The following APBA1 variants were observed in gnomAD, a reference collection of about 807,000 sequenced individuals.
APBA1 encodes amyloid-beta A4 precursor protein-binding family A member 1.
APBA1 carries 55 observed loss-of-function variants against 86.6 expected under a neutral mutation model. The observed-to-expected ratio is 0.64, with a 90% CI of 0.51 to 0.80. APBA1 has a LOEUF of 0.80. Among genes scored for constraint, APBA1 ranks in the 30% least tolerant of loss-of-function variants. APBA1 has a pLI of 0.00. For missense variants in APBA1, 1,090 were observed against 1,183.0 expected (o/e 0.92, Z 1.15); for synonymous variants, 511 against 493.9 (o/e 1.03, Z -0.46).
At chr9:69,580,113 T>C (rs1564082866) in intron 1 of APBA1, among the ~76,000 whole-genome samples, 1 of 152,216 alleles carries the variant, frequency 6.6e-6, no homozygotes, top group African/African-American at 2.4e-5. Flanking sequence ...TGGGAAGCTG[T>C]GGTCTGTGTC....
intron 1 of APBA1, among the ~76,000 whole-genome samples, chr9:69,599,012 A>G (rs1210197197): frequency 6.6e-6 from 1 of 152,230 alleles, no homozygotes; most frequent in African/African-American, 2.4e-5. Flanking sequence ...TGAGGAAGCT[A>G]GAGTAGTCAA....
intron 1 of APBA1, among the ~76,000 whole-genome samples, chr9:69,650,485 T>G (rs1388023093): frequency 1.3e-5 from 2 of 152,256 alleles, no homozygotes; most frequent in East Asian, 3.8e-4. Context: ...CACGAAACTA[T>G]TTTTAATGAA....
At chr9:69,577,861 A>T (rs1454026780) in intron 1 of APBA1, among the ~76,000 whole-genome samples, 2 of 152,180 alleles carry the variant, frequency 1.3e-5, no homozygotes, top group Non-Finnish European at 2.9e-5. Flanking sequence ...TATCTAAGGT[A>T]GCACAGCTGG....
Position 69,516,190 on chromosome 9 carries a change from C to G in APBA1, c.1021G>C (p.Glu341Gln). Residue 341 changes from glutamate (E) to glutamine (Q), a missense_variant, in exon 2 of 13, where the codon GAG becomes CAG. This residue lies in a region of APBA1 where 678 missense variants were observed against 647.1 expected (regional missense o/e 1.05). Transcript: ENST00000265381. This position sits in a 1 kb window ranked among gnomAD's most constrained non-coding sequence, Gnocchi z 7.3. ...GCCAGCGAGATGGCATCGCGCTTCTCCTTGCTGTACCGCTGCCCCGCCTCG... is the reference window on the plus strand; with the variant it reads ...GCCAGCGAGATGGCATCGCGCTTCTGCTTGCTGTACCGCTGCCCCGCCTCG... ...GGEAGQRYSK[E>Q]KRDAISLAIK... The G allele has an allele frequency of 3.2e-6, 5 of 1,587,148 alleles. No homozygotes were observed. Among genetic ancestry groups the G allele is most frequent in the Non-Finnish European group, 4.3e-6 (5 of 1,167,060 alleles).
At chr9:69,658,525 C>T (rs570688313) in intron 1 of APBA1, among the ~76,000 whole-genome samples, 21 of 151,354 alleles carry the variant, frequency 1.4e-4, no homozygotes, top group African/African-American at 4.9e-4. Flanking sequence ...ACCTCAGCCT[C>T]CTGAGTAGCT....
chr9:69,476,056 T>C lies in APBA1; in HGVS notation c.1288A>G (p.Asn430Asp), dbSNP rs1475520273. The C allele has an allele frequency of 6.2e-7, 1 of 1,613,918 alleles. No individual in the cohort carries two copies. The highest frequency in any genetic ancestry group is 1.7e-5 in the Admixed American group (1 of 60,024). The change falls in exon 3 of 13, where the codon AAT becomes GAT. Residue 430 changes from asparagine (N) to aspartate (D), a missense_variant. Physicochemically the swap from Asn to Asp is conservative, Grantham distance 23. Coordinates refer to ENST00000265381, the MANE Select transcript of APBA1 (RefSeq NM_001163.4). ...ACAAAACAGCACCCTACCTCTTTAT[T>C]AGTGGACGCTTCCACAGGGTCACTG... The part of the protein sequence containing the change: ...HPSDPVEAST[N>D]KESRKSLASF...
At chr9:69,432,889 CTG>C (rs1834630214) in intron 11 of APBA1, among the ~76,000 whole-genome samples, 2 of 152,324 alleles carry the variant, frequency 1.3e-5, no homozygotes, top group South Asian at 4.1e-4. Flanking sequence ...TGCACAGAGA[CTG>C]TAGCACATCA....
At chr9:69,550,228 T>C (rs1166019820) in intron 1 of APBA1, among the ~76,000 whole-genome samples, 2 of 152,218 alleles carry the variant, frequency 1.3e-5, no homozygotes, top group Non-Finnish European at 2.9e-5. Flanking sequence ...ACATATTAAC[T>C]TAGGGATGCA....
At chr9:69,441,481 C>T (rs2781530) in intron 10 of APBA1, among the ~76,000 whole-genome samples, 44,952 of 152,098 alleles carry the variant, frequency 0.3, 6,938 homozygotes, top group East Asian at 0.45. Context: ...CACACTATTT[C>T]CCCCAGCCAG....
intron 1 of APBA1, among the ~76,000 whole-genome samples, chr9:69,622,032 G>A (rs1465370283): frequency 6.6e-6 from 1 of 152,174 alleles, no homozygotes; most frequent in Non-Finnish European, 1.5e-5. Flanking sequence ...CACCAAACCT[G>A]AGGAGCATCA....
intron 2 of APBA1, among the ~76,000 whole-genome samples, chr9:69,499,322 T>C (rs894057832): frequency 6.6e-6 from 1 of 152,086 alleles, no homozygotes; most frequent in Non-Finnish European, 1.5e-5. Context: ...ATTGATCCAC[T>C]TGGGGAAATA....
chr9:69,670,443 A>C (rs1823924683), intron 1 of APBA1, among the ~76,000 whole-genome samples: 1 of 152,222 alleles, frequency 6.6e-6, no homozygotes. Flanking sequence ...CCGACAATGC[A>C]GTAGAATTTA....
chr9:69,594,727 G>T (rs1460017248), intron 1 of APBA1, among the ~76,000 whole-genome samples: 2 of 152,178 alleles, frequency 1.3e-5, no homozygotes, highest in Admixed American at 6.5e-5. Context: ...TGCCCAAAGA[G>T]TTCTGAACTA....
chr9:69,529,277 C>T (rs1192749894), intron 1 of APBA1, among the ~76,000 whole-genome samples: 1 of 152,098 alleles, frequency 6.6e-6, no homozygotes, highest in African/African-American at 2.4e-5. Flanking sequence ...CACTTCCTGA[C>T]AATTCAGCTT....
At chr9:69,532,361 T>C (rs1888834) in intron 1 of APBA1, among the ~76,000 whole-genome samples, 124,074 of 152,224 alleles carry the variant, frequency 0.82, 50,685 homozygotes, top group East Asian at 0.91. Flanking sequence ...GGCCACAAGT[T>C]GGCCACTGTC....
intron 1 of APBA1, among the ~76,000 whole-genome samples, chr9:69,544,010 T>A (rs972831152): frequency 1.3e-5 from 2 of 152,214 alleles, no homozygotes; most frequent in African/African-American, 4.8e-5. Context: ...AGATTCAGTA[T>A]CCACATTTGT....
chr9:69,543,275 T>A (rs922574537), intron 1 of APBA1, among the ~76,000 whole-genome samples: 138 of 10,836 alleles, frequency 0.013, no homozygotes, highest in Non-Finnish European at 0.021. Flanking sequence ...GTGCTGGGAT[T>A]TCCCCCCCCC....
At chr9:69,454,518 TG>T (rs1835063444) in intron 8 of APBA1, among the ~76,000 whole-genome samples, 1 of 152,146 alleles carries the variant, frequency 6.6e-6, no homozygotes, top group East Asian at 1.9e-4. Flanking sequence ...AAGAGGAACT[TG>T]AGGCTTAGTG....
intron 11 of APBA1, among the ~76,000 whole-genome samples, chr9:69,434,806 T>G (rs56386856): frequency 0.056 from 8,510 of 152,060 alleles, 804 homozygotes; most frequent in African/African-American, 0.19. Context: ...TTTATTATTA[T>G]TAGTATACTT....
Sources: allele counts gnomAD v4.1 joint callset (sites outside exome capture counted in the v4.1 genomes callset), GRCh38; gene constraint gnomAD v4.1.1; regional missense constraint gnomAD v4.1.1; non-coding constraint Gnocchi (gnomAD v3.1); transcripts MANE v1.5; gene names NCBI Gene and HGNC (gene_info 2026-07-23, HGNC 2026-07-21).